ZC3H12C: variants seen among roughly 807,000 people sequenced by gnomAD.
ZC3H12C encodes zinc finger CCCH-type containing 12C.
ZC3H12C carries 20 observed loss-of-function variants against 76.3 expected under a neutral mutation model. The observed-to-expected ratio is 0.26, with a 90% CI of 0.18 to 0.38. The LOEUF (loss-of-function observed/expected upper bound fraction) is 0.38. ZC3H12C is among the 10% of genes least tolerant of loss of function. The pLI, the probability that ZC3H12C is intolerant of heterozygous loss-of-function variation, is 1.00. For missense variants in ZC3H12C, 874 were observed against 1,086.5 expected (o/e 0.80, Z 2.75); for synonymous variants, 352 against 399.6 (o/e 0.88, Z 1.42).
intron 1 of ZC3H12C, among the ~76,000 whole-genome samples, chr11:110,117,054 GT>G (rs1200736413): frequency 1.3e-5 from 2 of 152,210 alleles, no homozygotes; most frequent in Non-Finnish European, 2.9e-5. Context: ...GGAACAAGTG[GT>G]CCAGTCTAGC....
chr11:110,165,985 T>C lies in ZC3H12C; in HGVS notation c.*248T>C. 1 of 429,348 alleles carries C rather than the reference T, an allele frequency of 2.3e-6. No homozygotes were observed. The highest frequency in any genetic ancestry group is 4.1e-6 in the Non-Finnish European group (1 of 242,938). The allele number at this position is 429,348 out of a possible 1,614,324, so 26.6% of individuals were successfully genotyped here. On this transcript the variant is annotated 3_prime_UTR_variant, in exon 6 of 6. Coordinates refer to ENST00000278590, the MANE Select transcript of ZC3H12C (RefSeq NM_033390.2). ...TAAAGCTATATCCTTGGCTGGAAAT[T>C]TTTCCAGTTTGATTTAATAGATGTA...
intron 2 of ZC3H12C, among the ~76,000 whole-genome samples, chr11:110,151,049 T>C (rs1862263673): frequency 6.6e-6 from 1 of 152,130 alleles, no homozygotes. Context: ...ATTAACGACA[T>C]GCCGTTTTTC....
chr11:110,150,148 C>T (rs1017225417), intron 2 of ZC3H12C, among the ~76,000 whole-genome samples: 1 of 151,936 alleles, frequency 6.6e-6, no homozygotes, highest in Non-Finnish European at 1.5e-5. Flanking sequence ...CACCTTATTG[C>T]TGGCCTTTGG....
rs1358053500 is a variant in ZC3H12C at position 110,164,158 on chromosome 11, C to G, written c.1256-183C>G. On this transcript the variant is annotated intron_variant, in intron 5 of 5. Coordinates refer to ENST00000278590, the MANE Select transcript of ZC3H12C (RefSeq NM_033390.2). This position sits in a 1 kb window ranked among gnomAD's most constrained non-coding sequence, Gnocchi z 5.7. ...CTCATTCGGCCAACTTCCTCCTGTT[C>G]TTGATAGTAAAGAAATGAGAAGACT... Among the ~76,000 whole-genome samples, 2 of 151,576 alleles carry G rather than the reference C, an allele frequency of 1.3e-5. No homozygotes were observed. Among genetic ancestry groups the G allele is most frequent in the African/African-American group, 4.8e-5 (2 of 41,238 alleles).
At chr11:110,163,558 T>G (rs1862519877) in intron 5 of ZC3H12C, among the ~76,000 whole-genome samples, 179 bp downstream of exon 5, 1 of 152,236 alleles carries the variant, frequency 6.6e-6, no homozygotes, top group Non-Finnish European at 1.5e-5. Context: ...CTGTTTGGAT[T>G]CAAGACAAAT....
At position 110,165,201 on chromosome 11, in the gene ZC3H12C, C is replaced by A. The variant is rs1046489208; in HGVS notation, c.2116C>A (p.Leu706Met). 1 of 1,613,840 alleles carries A rather than the reference C, an allele frequency of 6.2e-7. No homozygotes were observed. The highest frequency in any genetic ancestry group is 1.3e-5 in the African/African-American group (1 of 74,956). Residue 706 changes from leucine to methionine, a missense_variant, in exon 6 of 6, where the codon CTG (leucine) becomes ATG (methionine). By Grantham distance (15) the Leu-to-Met change is conservative. This residue lies in a region of ZC3H12C where 395 missense variants were observed against 434.4 expected (regional missense o/e 0.91). Transcript: ENST00000278590. ...KFHHKPPLPH[L>M]ALHLPHSAVG... ...CCATCACAAGCCTCCTCTTCCGCAC[C>A]TGGCTCTGCACCTGCCGCACTCCGC... is the stretch of plus-strand genomic sequence containing the variant.
At chr11:110,145,328 G>A (rs1226122744) in intron 2 of ZC3H12C, among the ~76,000 whole-genome samples, 2 of 152,136 alleles carry the variant, frequency 1.3e-5, no homozygotes, top group East Asian at 3.8e-4. Flanking sequence ...GAGACAAAGT[G>A]AATTTACAGA....
At chr11:110,105,763 T>C (rs2134148447) in intron 1 of ZC3H12C, among the ~76,000 whole-genome samples, 1 of 152,326 alleles carries the variant, frequency 6.6e-6, no homozygotes, top group East Asian at 1.9e-4. Flanking sequence ...AGAGTCTTCC[T>C]GTGTCATAAA....
At chr11:110,148,948 T>A (rs1171142873) in intron 2 of ZC3H12C, among the ~76,000 whole-genome samples, 1 of 152,236 alleles carries the variant, frequency 6.6e-6, no homozygotes, top group Non-Finnish European at 1.5e-5. Context: ...TATCAGTACC[T>A]CCTCTAGTTG....
intron 3 of ZC3H12C, among the ~76,000 whole-genome samples, chr11:110,157,239 A>G (rs902456156): frequency 4.0e-5 from 6 of 151,782 alleles, no homozygotes; most frequent in Non-Finnish European, 8.8e-5. Context: ...TAAGTTGAAG[A>G]GCACAGTGTT....
intron 3 of ZC3H12C, among the ~76,000 whole-genome samples, chr11:110,158,083 A>G (rs1331452389): frequency 1.3e-5 from 2 of 152,214 alleles, no homozygotes; most frequent in Non-Finnish European, 2.9e-5. Context: ...ATGGTGGGAA[A>G]ATGGGGGACA....
At chr11:110,128,092 AT>A (rs1031941352) in intron 1 of ZC3H12C, among the ~76,000 whole-genome samples, 22 of 151,350 alleles carry the variant, frequency 1.5e-4, no homozygotes, top group African/African-American at 4.9e-4. Flanking sequence ...GCAAAGACAG[AT>A]TTTAGTATAA....
At chr11:110,157,430 CT>C (rs1238127792) in intron 3 of ZC3H12C, among the ~76,000 whole-genome samples, 3,211 of 114,022 alleles carry the variant, frequency 0.028, 120 homozygotes, top group African/African-American at 0.088. Flanking sequence ...AAGGTCTGGT[CT>C]TTTTTTTTTT....
intron 1 of ZC3H12C, among the ~76,000 whole-genome samples, chr11:110,127,943 A>C (rs1277419410): frequency 6.6e-6 from 1 of 151,894 alleles, no homozygotes; most frequent in African/African-American, 2.4e-5. Flanking sequence ...GGTCCCAGGA[A>C]GTGAACTCAG....
intron 3 of ZC3H12C, among the ~76,000 whole-genome samples, chr11:110,157,290 C>T (rs140838809): frequency 8.7e-4 from 132 of 152,168 alleles, no homozygotes; most frequent in African/African-American, 2.9e-3. Flanking sequence ...TGCTTTGCCG[C>T]AAGATAACTC....
At chr11:110,127,009 G>A (rs1861761404) in intron 1 of ZC3H12C, among the ~76,000 whole-genome samples, 1 of 152,120 alleles carries the variant, frequency 6.6e-6, no homozygotes, top group Admixed American at 6.5e-5. Flanking sequence ...GTTACTTTGG[G>A]TGGATTGTAT....
chr11:110,171,490 T>C lies in ZC3H12C; in HGVS notation c.*5753T>C, dbSNP rs1175865939. 1.3e-5 allele frequency: 2 copies of C among 152,234 alleles called. No individual in the cohort carries two copies. The highest frequency in any genetic ancestry group is 2.9e-5 in the Non-Finnish European group (2 of 68,042). 9.4% of individuals were successfully genotyped at this position (152,234 alleles called of 1,614,324 possible). Reference sequence around the variant, plus strand: ...TAAACTAGTGTGATTGTATTTATCCTCTGTTCTGTGTATTTCTGTAATGGA... The same window carrying C: ...TAAACTAGTGTGATTGTATTTATCCCCTGTTCTGTGTATTTCTGTAATGGA... On this transcript the variant is annotated 3_prime_UTR_variant, in exon 6 of 6. Coordinates refer to ENST00000278590, the MANE Select transcript of ZC3H12C (RefSeq NM_033390.2).
At position 110,136,767 on chromosome 11, in the gene ZC3H12C, CG is replaced by C; in HGVS notation, c.128del (p.Gly43AlafsTer12). The part of the protein sequence containing the change: ...GLKDHLGHDL[G>X]HLYVESTDPQ... The stretch of plus-strand genomic sequence containing the variant: ...TGAAGGATCACCTAGGGCATGACCT[CG>C]GCCACCTTTATGTGGAGAGCACTGA... On this transcript the variant is annotated frameshift_variant, in exon 2 of 6. Transcript: ENST00000278590. LOFTEE classifies it high-confidence loss of function. 6.2e-7 allele frequency: 1 copy of C among 1,613,936 alleles called. No individual in the cohort carries two copies. The highest frequency in any genetic ancestry group is 1.1e-5 in the South Asian group (1 of 91,078).
chr11:110,115,056 A>G (rs935556017), intron 1 of ZC3H12C, among the ~76,000 whole-genome samples: 1 of 152,040 alleles, frequency 6.6e-6, no homozygotes, highest in African/African-American at 2.4e-5. Context: ...TCCACCATCT[A>G]TATTGTTAAA....
Sources: allele counts gnomAD v4.1 joint callset (sites outside exome capture counted in the v4.1 genomes callset), GRCh38; gene constraint gnomAD v4.1.1; regional missense constraint gnomAD v4.1.1; non-coding constraint Gnocchi (gnomAD v3.1); transcripts MANE v1.5; gene names NCBI Gene and HGNC (gene_info 2026-07-23, HGNC 2026-07-21).